The following MEIOB variants were observed in gnomAD, a reference collection of about 807,000 sequenced individuals.
MEIOB encodes the protein meiosis specific with OB-fold.
MEIOB carries 50 observed loss-of-function variants against 53.1 expected under a neutral mutation model. The observed-to-expected ratio is 0.94, with a 90% CI of 0.75 to 1.19. The LOEUF (loss-of-function observed/expected upper bound fraction) is 1.19. MEIOB is among the 50% of genes most tolerant of loss of function. The probability of loss-of-function intolerance (pLI) is 0.00; values close to 1 mark genes in which losing one functional copy is unlikely to be tolerated. For missense variants in MEIOB, 551 were observed against 550.8 expected (o/e 1.00, Z 0.00); for synonymous variants, 192 against 182.5 (o/e 1.05, Z -0.42).
chr16:1,849,931 A>G lies in MEIOB; in HGVS notation c.778+3108T>C, dbSNP rs77561772. Reference sequence around the variant, plus strand: ...GATTTAGCCATTCTGTAATGTATACATATTTCAAAACAACATAGTGTATAA... The same window carrying G: ...GATTTAGCCATTCTGTAATGTATACGTATTTCAAAACAACATAGTGTATAA... On this transcript the variant is annotated intron_variant, in intron 9 of 13. Transcript: ENST00000325962. Among the ~76,000 whole-genome samples the G allele has an allele frequency of 6.1e-3, 925 of 152,372 alleles. 7 individuals carry two copies. Among genetic ancestry groups the G allele is most frequent in the African/African-American group, 0.021 (876 of 41,596 alleles).
At chr16:1,863,824 T>C (rs1899518961) in intron 3 of MEIOB, among the ~76,000 whole-genome samples, 1 of 152,190 alleles carries the variant, frequency 6.6e-6, no homozygotes, top group Non-Finnish European at 1.5e-5. Context: ...AGCAAATACT[T>C]TTTTTCCAAA....
rs1899771815 is a variant in MEIOB, at chr16:1,872,074, G to C, written c.-91C>G. On this transcript the variant is annotated 5_prime_UTR_variant, in exon 1 of 14. Coordinates refer to ENST00000325962, the MANE Select transcript of MEIOB (RefSeq NM_001163560.3). ...GCGGACCTGGCCCGCCCGACCCCCG[G>C]GTCGCCCGCGCTTCGCGGCTTCTCC... 1 of 151,366 alleles carries C rather than the reference G, an allele frequency of 6.6e-6. No homozygotes were observed. The highest frequency in any genetic ancestry group is 6.6e-5 in the Admixed American group (1 of 15,206). The allele number at this position is 151,366 out of a possible 1,614,324, so 9.4% of individuals were successfully genotyped here. A position where few individuals can be genotyped will look rare whatever the true frequency, so the allele number is the denominator to read the frequency against.
rs373035025 is a variant in MEIOB at position 1,844,951 on chromosome 16, G to C, written c.791C>G (p.Ala264Gly). 1.7e-5 allele frequency: 26 copies of C among 1,503,048 alleles called. No individual in the cohort carries two copies. The African/African-American group carries it at 2.9e-4, about 17-fold the overall frequency. 93.1% of individuals were successfully genotyped at this position (1,503,048 alleles called of 1,614,324 possible). Residue 264 changes from alanine to glycine, a missense_variant, in exon 10 of 14, where the codon GCT becomes GGT. Ala to Gly is a moderately conservative substitution (Grantham distance 60). Transcript: ENST00000325962. ...IITTNPDIPEANILLNFIREN... is the reference protein window; with the variant it reads ...IITTNPDIPEGNILLNFIREN... ...TCGTATAAAATTCAGCAGAATGTTA[G>C]CTTCTGGTATATCTTAAATTGAAAA...
chr16:1,835,160 G>A (rs1022919227), intron 13 of MEIOB, among the ~76,000 whole-genome samples: 11 of 152,108 alleles, frequency 7.2e-5, no homozygotes, highest in South Asian at 6.2e-4. Flanking sequence ...TGGCTGAGGC[G>A]GGAGGATCAC....
chr16:1,852,729 T>C (rs1899204067), intron 9 of MEIOB, among the ~76,000 whole-genome samples: 1 of 151,984 alleles, frequency 6.6e-6, no homozygotes, highest in African/African-American at 2.4e-5. Flanking sequence ...CTAATTTTTA[T>C]ATTTTTAGTA....
chr16:1,856,189 T>G (rs1172104852), intron 6 of MEIOB, among the ~76,000 whole-genome samples: 2 of 151,302 alleles, frequency 1.3e-5, no homozygotes, highest in African/African-American at 4.9e-5. Context: ...GGAGTCTCGT[T>G]CTGTCGCCCA....
At chr16:1,840,547 A>ATT (rs202034014) in intron 11 of MEIOB, among the ~76,000 whole-genome samples, 150 of 144,070 alleles carry the variant, frequency 1.0e-3, no homozygotes, top group Admixed American at 1.3e-3. Context: ...TCTTATTATT[A>ATT]TTTTTTTTTT....
intron 5 of MEIOB, 131 bp downstream of exon 5, chr16:1,860,272 A>C (rs1321611596): frequency 5.9e-6 from 3 of 512,690 alleles, no homozygotes; most frequent in Non-Finnish European, 6.7e-6. Context: ...TGAATTTTGT[A>C]AGAGAAAATT....
Position 1,865,258 on chromosome 16 carries a change from C to T in MEIOB, c.127+520G>A, listed in dbSNP as rs147563136. ...ACCAGCCTGGCCAAAATGGTGAAAC[C>T]CCATCTCTACTAAAAATACAAAAAT... On this transcript the variant is annotated intron_variant, in intron 3 of 13. Transcript: ENST00000325962. Among the ~76,000 whole-genome samples, 660 of 152,012 alleles carry T rather than the reference C, an allele frequency of 4.3e-3. 4 individuals are homozygous for T. The highest frequency in any genetic ancestry group is 7.5e-3 in the Non-Finnish European group (511 of 67,978).
chr16:1,871,379 C>A (rs1181026634), intron 1 of MEIOB, among the ~76,000 whole-genome samples: 7 of 97,602 alleles, frequency 7.2e-5, no homozygotes, highest in Admixed American at 4.4e-4. Context: ...GCCGCCACGC[C>A]TGGCTAATTT....
rs1454156829 is a variant in MEIOB, at chr16:1,860,446, T to C, written c.289A>G (p.Lys97Glu). The part of the protein sequence containing the change: ...VIIENPLIQR[K>E]EIEREEKFSP... ...AATTTTTCTTCTCTTTCTATTTCCTTTCTTTGGATCAGAGGATTTTCAATT... is the reference window on the plus strand; with the variant it reads ...AATTTTTCTTCTCTTTCTATTTCCTCTCTTTGGATCAGAGGATTTTCAATT... Residue 97 changes from lysine (K) to glutamate (E), a missense_variant, in exon 5 of 14, where the codon AAG (lysine) becomes GAG (glutamate). Physicochemically the swap from Lys to Glu is moderately conservative, Grantham distance 56. Coordinates refer to ENST00000325962, the MANE Select transcript of MEIOB (RefSeq NM_001163560.3). The C allele has an allele frequency of 6.5e-7, 1 of 1,547,190 alleles. No homozygotes were observed. Among genetic ancestry groups the C allele is most frequent in the Non-Finnish European group, 8.7e-7 (1 of 1,143,330 alleles).
chr16:1,860,840 AT>A (rs1318671224), intron 4 of MEIOB, among the ~76,000 whole-genome samples: 1 of 152,202 alleles, frequency 6.6e-6, no homozygotes, highest in East Asian at 1.9e-4. Context: ...AAGGCAATAT[AT>A]GATTAGGTTC....
intron 13 of MEIOB, among the ~76,000 whole-genome samples, chr16:1,837,341 G>A (rs925255882): frequency 1.3e-5 from 2 of 152,070 alleles, no homozygotes; most frequent in Non-Finnish European, 2.9e-5. Context: ...ACCACAGGGT[G>A]GGTGGGGGTG....
At chr16:1,861,824 C>T (rs1430673712) in intron 4 of MEIOB, among the ~76,000 whole-genome samples, 161 bp downstream of exon 4, 3 of 152,100 alleles carry the variant, frequency 2.0e-5, no homozygotes, top group Admixed American at 6.5e-5. Context: ...CATGAGCCAC[C>T]GTGCCCCACT....
At chr16:1,864,497 T>C (rs1405630613) in intron 3 of MEIOB, among the ~76,000 whole-genome samples, 2 of 150,506 alleles carry the variant, frequency 1.3e-5, no homozygotes, top group Non-Finnish European at 3.0e-5. Flanking sequence ...CTTTTTTTTT[T>C]TTTTTTTTGA....
intron 11 of MEIOB, chr16:1,839,802 G>GGT: frequency 6.0e-6 from 1 of 165,476 alleles, no homozygotes; most frequent in Admixed American, 6.2e-5. Context: ...AGGACTGACT[G>GGT]GTGCTGTTGC....
At position 1,854,106 on chromosome 16, in the gene MEIOB, A is replaced by G. The variant is rs1264346515; in HGVS notation, c.623T>C (p.Met208Thr). 6.5e-7 allele frequency: 1 copy of G among 1,544,596 alleles called. No individual in the cohort carries two copies. Among genetic ancestry groups the G allele is most frequent in the East Asian group, 2.4e-5 (1 of 40,886 alleles). Residue 208 changes from methionine (M) to threonine (T), a missense_variant, in exon 7 of 14, where the codon ATG becomes ACG. Met to Thr is a moderately conservative substitution (Grantham distance 81). Coordinates refer to ENST00000325962, the MANE Select transcript of MEIOB (RefSeq NM_001163560.3). ...LYDETESSFA[M>T]TCWDNESILL... Reference sequence around the variant, plus strand: ...AACAGACATCGGTGTTTACCATGTCATCGCAAAAGACGACTCTGTTTCATC... The same window carrying G: ...AACAGACATCGGTGTTTACCATGTCGTCGCAAAAGACGACTCTGTTTCATC...
chr16:1,854,978 T>C (rs1336621728), intron 6 of MEIOB, among the ~76,000 whole-genome samples: 1 of 152,070 alleles, frequency 6.6e-6, no homozygotes, highest in Middle Eastern at 3.2e-3. Flanking sequence ...CTGCCACCAC[T>C]GCATCTGTGG....
At chr16:1,844,827 T>TA (rs1567274453) in intron 10 of MEIOB, 35 bp downstream of exon 10, 3 of 1,242,948 alleles carry the variant, frequency 2.4e-6, no homozygotes, top group Non-Finnish European at 3.5e-6. Context: ...TTTCGGCCTT[T>TA]AAAAAAATCC....
Sources: gnomAD v4.1 joint callset for allele counts (sites outside exome capture counted in the v4.1 genomes callset) on GRCh38, gnomAD v4.1.1 for gene constraint, MANE v1.5 for transcripts, NCBI Gene and HGNC (gene_info 2026-07-23, HGNC 2026-07-21) for gene names.